The following PRKCH variants were observed in gnomAD, a reference collection of about 807,000 sequenced individuals.
The protein encoded by PRKCH is protein kinase C eta.
In PRKCH, 28 loss-of-function variants were observed where a neutral mutation model predicts 82.5. The ratio of observed to expected loss-of-function variants is 0.34; its 90% CI spans 0.25 to 0.47. PRKCH has a LOEUF of 0.47. PRKCH is among the 20% of genes least tolerant of loss of function. The probability of loss-of-function intolerance (pLI) is 1.00; values close to 1 mark genes in which losing one functional copy is unlikely to be tolerated. For missense variants in PRKCH, 705 were observed against 881.8 expected (o/e 0.80, Z 2.54); for synonymous variants, 322 against 327.4 (o/e 0.98, Z 0.18).
chr14:61,228,103 G>A (rs1011645682), intron 1 of PRKCH, among the ~76,000 whole-genome samples: 3 of 152,138 alleles, frequency 2.0e-5, no homozygotes, highest in African/African-American at 7.2e-5. Context: ...TGGGTCAAAT[G>A]TTGTCAAGTT....
intron 1 of PRKCH, among the ~76,000 whole-genome samples, chr14:61,196,407 A>G (rs764720739): frequency 1.4e-4 from 21 of 152,194 alleles, no homozygotes; most frequent in Non-Finnish European, 2.9e-4. Flanking sequence ...TGCTTTACAT[A>G]TATTTGAGGT....
At chr14:61,426,336 A>G (rs1883107474) in intron 2 of PRKCH, among the ~76,000 whole-genome samples, 1 of 135,924 alleles carries the variant, frequency 7.4e-6, no homozygotes, top group Non-Finnish European at 1.6e-5. Flanking sequence ...ATCACCTTCA[A>G]TGAAAACAAT....
chr14:61,278,608 C>T (rs1424025512), intron 1 of PRKCH: 2 of 152,186 alleles, frequency 1.3e-5, no homozygotes. Flanking sequence ...ATAGCAGGCA[C>T]TGAAGAATTC....
chr14:61,469,804 G>A (rs1034321408), intron 9 of PRKCH, among the ~76,000 whole-genome samples: 7 of 151,842 alleles, frequency 4.6e-5, no homozygotes, highest in African/African-American at 1.7e-4. Context: ...CGTGTAGAGA[G>A]TTGTGCACTG....
At chr14:61,547,484 G>A (rs1253092115) in intron 12 of PRKCH, among the ~76,000 whole-genome samples, 1 of 152,188 alleles carries the variant, frequency 6.6e-6, no homozygotes, top group Non-Finnish European at 1.5e-5. Context: ...TTACAGAAAA[G>A]AAAACTGGAC....
intron 1 of PRKCH, among the ~76,000 whole-genome samples, chr14:61,261,315 A>G (rs1475521633): frequency 6.6e-6 from 1 of 152,248 alleles, no homozygotes; most frequent in Non-Finnish European, 1.5e-5. Context: ...TTGAAGCAGC[A>G]TGGGTGGCTG....
intron 10 of PRKCH, among the ~76,000 whole-genome samples, chr14:61,521,049 G>A (rs2042898821): frequency 6.6e-6 from 1 of 152,146 alleles, no homozygotes; most frequent in Non-Finnish European, 1.5e-5. Flanking sequence ...CCATTATAGA[G>A]AATGAGCCAG....
Position 61,325,800 on chromosome 14 carries a change from T to C in PRKCH, c.363+3336T>C, listed in dbSNP as rs950136846. ...AATTTAAAATCCAACAAATGACTTG[T>C]AACTTGTCAAATATTTCAATAGGCA... On this transcript the variant is annotated intron_variant, in intron 1 of 13. Coordinates refer to ENST00000332981, the MANE Select transcript of PRKCH (RefSeq NM_006255.5). Among the ~76,000 whole-genome samples the C allele has an allele frequency of 2.0e-5, 3 of 152,226 alleles. 1 individual carries two copies. The highest frequency in any genetic ancestry group is 7.2e-5 in the African/African-American group (3 of 41,452).
intron 1 of PRKCH, among the ~76,000 whole-genome samples, chr14:61,212,327 G>A (rs957639348): frequency 3.9e-5 from 6 of 152,174 alleles, no homozygotes; most frequent in African/African-American, 1.2e-4. Context: ...TTGCAGAGCG[G>A]TTGTAACTAT....
chr14:61,379,821 A>T (rs1023884651), intron 1 of PRKCH, among the ~76,000 whole-genome samples: 10 of 152,202 alleles, frequency 6.6e-5, no homozygotes, highest in Non-Finnish European at 8.8e-5. Context: ...CCTAGTAAGG[A>T]GAACGTATGC....
At chr14:61,426,071 A>G (rs1465613399) in intron 2 of PRKCH, among the ~76,000 whole-genome samples, 1 of 152,184 alleles carries the variant, frequency 6.6e-6, no homozygotes, top group Non-Finnish European at 1.5e-5. Flanking sequence ...TTCTTTATAA[A>G]TTACCCAGTC....
chr14:61,465,387 C>G (rs1355031918), intron 9 of PRKCH, among the ~76,000 whole-genome samples: 1 of 152,116 alleles, frequency 6.6e-6, no homozygotes, highest in Admixed American at 6.5e-5. Context: ...GTCCATTTTT[C>G]AGTGATTTTT....
chr14:61,417,308 T>C (rs1882610670), intron 2 of PRKCH, among the ~76,000 whole-genome samples: 1 of 152,222 alleles, frequency 6.6e-6, no homozygotes, highest in East Asian at 1.9e-4. Context: ...TTTGGCGGTC[T>C]TTTTTGAGCT....
At chr14:61,232,738 A>G (rs560899757) in intron 1 of PRKCH, among the ~76,000 whole-genome samples, 1 of 152,214 alleles carries the variant, frequency 6.6e-6, no homozygotes, top group South Asian at 2.1e-4. Context: ...TAATTGATTA[A>G]ATCATTGACC....
At chr14:61,478,755 G>A (rs1302794047) in intron 9 of PRKCH, among the ~76,000 whole-genome samples, 1 of 152,076 alleles carries the variant, frequency 6.6e-6, no homozygotes, top group Admixed American at 6.5e-5. Flanking sequence ...AGCCGCACAG[G>A]AGGCTGAGGT....
chr14:61,279,966 C>T (rs911503759), intron 1 of PRKCH: 3 of 802,308 alleles, frequency 3.7e-6, no homozygotes, highest in African/African-American at 3.5e-5. Context: ...CTTATCTGGT[C>T]CCCTCATTCA....
chr14:61,390,832 T>C (rs2046667549), intron 1 of PRKCH: 1 of 176,638 alleles, frequency 5.7e-6, no homozygotes, highest in Non-Finnish European at 1.2e-5. Flanking sequence ...CATGTGTTCA[T>C]TACCTTGTAT....
intron 10 of PRKCH, among the ~76,000 whole-genome samples, chr14:61,520,837 G>A (rs2042895896): frequency 6.6e-6 from 1 of 152,170 alleles, no homozygotes; most frequent in Non-Finnish European, 1.5e-5. Context: ...CTCTACATCT[G>A]TTTAAATTTA....
chr14:61,381,879 G>C (rs961193628), intron 1 of PRKCH, among the ~76,000 whole-genome samples: 3 of 152,224 alleles, frequency 2.0e-5, no homozygotes, highest in Non-Finnish European at 4.4e-5. Context: ...TGGACCTCAG[G>C]CAGAAGCAGT....
Sources: allele counts gnomAD v4.1 joint callset (sites outside exome capture counted in the v4.1 genomes callset), GRCh38; gene constraint gnomAD v4.1.1; transcripts MANE v1.5; gene names NCBI Gene and HGNC (gene_info 2026-07-23, HGNC 2026-07-21).